The following MGST1 variants were observed in gnomAD, a reference collection of about 807,000 sequenced individuals.
MGST1 encodes the protein glutathione S-transferase 12.
In MGST1, 5 loss-of-function variants were observed where a neutral mutation model predicts 8.9. The ratio of observed to expected loss-of-function variants is 0.56; its 90% CI spans 0.29 to 1.19. MGST1 has a LOEUF of 1.19. Among genes scored for constraint, MGST1 ranks in the 50% most tolerant of loss-of-function variants. The pLI is 0.08. For missense variants in MGST1, 182 were observed against 187.4 expected (o/e 0.97, Z 0.17); for synonymous variants, 54 against 67.8 (o/e 0.80, Z 1.00).
chr12:16,536,831 C>G (rs1443970179), intron 4 of MGST1, among the ~76,000 whole-genome samples: 1 of 152,108 alleles, frequency 6.6e-6, no homozygotes, highest in Non-Finnish European at 1.5e-5. Flanking sequence ...CTACTGGGTC[C>G]CTCCCACAAC....
At chr12:16,521,968 T>C (rs955604194) in intron 4 of MGST1, among the ~76,000 whole-genome samples, 4 of 151,966 alleles carry the variant, frequency 2.6e-5, no homozygotes, top group Non-Finnish European at 5.9e-5. Context: ...AAAATAACTT[T>C]CATATGTTTG....
downstream of MGST1, chr12:16,367,546 G>A (rs190193353): frequency 1.3e-5 from 2 of 152,374 alleles, no homozygotes; most frequent in African/African-American, 2.4e-5. Flanking sequence ...CGGGATCACT[G>A]CTAAAGATCC....
chr12:16,352,721 T>A (rs1237968361), intron 1 of MGST1, among the ~76,000 whole-genome samples: 1 of 152,188 alleles, frequency 6.6e-6, no homozygotes, highest in African/African-American at 2.4e-5. Flanking sequence ...CTCAACGGCT[T>A]TTAGTTGAAT....
rs192397092 is a variant in MGST1 at position 16,463,098 on chromosome 12, G to A, written n.482+79494G>A. 1.3e-3 allele frequency among the ~76,000 whole-genome samples: 198 copies of A among 152,114 alleles called. 1 individual carries two copies. Among genetic ancestry groups the A allele is most frequent in the Middle Eastern group, 3.4e-3 (1 of 294 alleles). ...TTGTCAATCTATTTTTTAATGTTAT[G>A]TTGTTTCTTAAAAAACTAAGCAAAA... On this transcript the variant is annotated intron_variant and non_coding_transcript_variant, in intron 4 of 4. Transcript: ENST00000538857.
intron 4 of MGST1, among the ~76,000 whole-genome samples, chr12:16,515,348 G>A (rs183502364): frequency 6.6e-5 from 10 of 151,942 alleles, no homozygotes; most frequent in East Asian, 1.9e-4. Context: ...CCATCCTATC[G>A]GGATTTATTT....
intron 1 of MGST1, among the ~76,000 whole-genome samples, chr12:16,349,466 G>C (rs1591685804): frequency 6.6e-6 from 1 of 152,126 alleles, no homozygotes; most frequent in Admixed American, 6.5e-5. Context: ...ATGGTGGGTA[G>C]CCCAGAGGTA....
In MGST1 at chr12:16,560,692, T is replaced by G. The variant is rs375115316; in HGVS notation, n.483-28836T>G. On this transcript the variant is annotated intron_variant and non_coding_transcript_variant, in intron 4 of 4. Coordinates refer to the MGST1 transcript ENST00000538857. This position sits in a 1 kb window ranked among gnomAD's most constrained non-coding sequence, Gnocchi z 5.0. ...TTTATCCTAGGTGTATGCATAAATA[T>G]TCTTCTGCAATATATTCTCCGTTGA... 5 of 671,548 alleles carry G rather than the reference T, an allele frequency of 7.4e-6. No individual in the cohort carries two copies. 41.6% of individuals were successfully genotyped at this position (671,548 alleles called of 1,614,324 possible). A position where few individuals can be genotyped will look rare whatever the true frequency, so the allele number is the denominator to read the frequency against.
At chr12:16,367,807 A>G (rs1940218778), downstream of MGST1, among the ~76,000 whole-genome samples, 2 of 150,624 alleles carry the variant, frequency 1.3e-5, no homozygotes, top group South Asian at 4.2e-4. Context: ...TACACTTGGA[A>G]TGACTCTGCA....
At chr12:16,396,280 A>G (rs1940604682) in intron 1 of MGST1, among the ~76,000 whole-genome samples, 1 of 152,184 alleles carries the variant, frequency 6.6e-6, no homozygotes, top group Non-Finnish European at 1.5e-5. Flanking sequence ...TACAAGGAAC[A>G]TACCTCAATG....
At chr12:16,459,947 T>A (rs1941206346) in intron 4 of MGST1, among the ~76,000 whole-genome samples, 1 of 152,136 alleles carries the variant, frequency 6.6e-6, no homozygotes, top group African/African-American at 2.4e-5. Flanking sequence ...GAAATCTGAA[T>A]GCTACATTTT....
At chr12:16,496,100 C>T (rs1027827812) in intron 4 of MGST1, among the ~76,000 whole-genome samples, 5 of 152,074 alleles carry the variant, frequency 3.3e-5, no homozygotes, top group Non-Finnish European at 7.4e-5. Context: ...TCATACTTAG[C>T]CAAATCAAAT....
At chr12:16,379,236 G>C (rs1443160009), downstream of MGST1, among the ~76,000 whole-genome samples, 1 of 152,176 alleles carries the variant, frequency 6.6e-6, no homozygotes, top group Non-Finnish European at 1.5e-5. Flanking sequence ...AGTTTTCAAA[G>C]GGAATGCTTC....
intron 3 of MGST1, chr12:16,376,102 ATT>A (rs71054810): frequency 3.0e-5 from 38 of 1,283,668 alleles, no homozygotes; most frequent in Middle Eastern, 1.9e-4. Flanking sequence ...TAAAAATCTT[ATT>A]TTTTTTTAAT....
intron 4 of MGST1, among the ~76,000 whole-genome samples, chr12:16,468,647 C>A (rs1028175973): frequency 6.6e-6 from 1 of 152,060 alleles, no homozygotes; most frequent in Admixed American, 6.6e-5. Context: ...TATTTTAAAT[C>A]CCTGTTGGGT....
At chr12:16,353,045 G>C (rs563058032) in intron 1 of MGST1, among the ~76,000 whole-genome samples, 4 of 145,824 alleles carry the variant, frequency 2.7e-5, no homozygotes, top group Non-Finnish European at 6.0e-5. Context: ...TTTTTTTTTT[G>C]GAGGGGGAGA....
At chr12:16,382,241 GCT>G (rs1408076871), upstream of MGST1, among the ~76,000 whole-genome samples, 2 of 152,088 alleles carry the variant, frequency 1.3e-5, no homozygotes, top group Non-Finnish European at 1.5e-5. Flanking sequence ...TAGTTTTTCT[GCT>G]CTGTTTTTTT....
At chr12:16,377,309 G>A (rs1355638510), downstream of MGST1, 8 of 91,046 alleles carry the variant, frequency 8.8e-5, no homozygotes, top group African/African-American at 3.2e-4. Context: ...CCCCCACCCC[G>A]CAACGGTCCC....
chr12:16,530,001 A>G (rs751110247), intron 4 of MGST1, among the ~76,000 whole-genome samples: 51 of 152,146 alleles, frequency 3.4e-4, no homozygotes, highest in Non-Finnish European at 6.6e-4. Flanking sequence ...CACTCAAAGC[A>G]TTCCTGGTTG....
At chr12:16,526,245 C>T (rs766620564) in intron 4 of MGST1, among the ~76,000 whole-genome samples, 2 of 151,668 alleles carry the variant, frequency 1.3e-5, no homozygotes, top group Non-Finnish European at 2.9e-5. Flanking sequence ...ATGGTAATGC[C>T]TAGGTTTTCT....
Sources: allele counts gnomAD v4.1 joint callset (sites outside exome capture counted in the v4.1 genomes callset), GRCh38; gene constraint gnomAD v4.1.1; non-coding constraint Gnocchi (gnomAD v3.1); transcripts MANE v1.5; gene names NCBI Gene and HGNC (gene_info 2026-07-23, HGNC 2026-07-21).